RIMS2: variants seen among roughly 807,000 people sequenced by gnomAD.
RIMS2 encodes the protein regulating synaptic membrane exocytosis protein 2.
RIMS2 carries 59 observed loss-of-function variants against 174.4 expected under a neutral mutation model. The observed-to-expected ratio is 0.34, with a 90% confidence interval of 0.27 to 0.42. The LOEUF (loss-of-function observed/expected upper bound fraction) is 0.42, where lower values mean the gene tolerates loss of function less well. Ranked by LOEUF, RIMS2 falls within the 10% of genes least tolerant of loss-of-function variation. The pLI is 1.00. For missense variants in RIMS2, 1,620 were observed against 1,666.3 expected (o/e 0.97, Z 0.48); for synonymous variants, 606 against 572.5 (o/e 1.06, Z -0.84).
chr8:104,089,583 A>G (rs1291707852), intron 19 of RIMS2, among the ~76,000 whole-genome samples: 2 of 151,878 alleles, frequency 1.3e-5, no homozygotes, highest in Non-Finnish European at 2.9e-5. Flanking sequence ...TTTTAAAAGC[A>G]TATGTCTATT....
chr8:103,920,039 G>T (rs1015637595), intron 9 of RIMS2, among the ~76,000 whole-genome samples: 1 of 152,026 alleles, frequency 6.6e-6, no homozygotes, highest in African/African-American at 2.4e-5. Flanking sequence ...ACATCTCTCA[G>T]ATACTGCATG....
chr8:103,687,629 A>C (rs1006638164), intron 1 of RIMS2, among the ~76,000 whole-genome samples: 4 of 152,078 alleles, frequency 2.6e-5, no homozygotes, highest in Non-Finnish European at 5.9e-5. Flanking sequence ...CTCCCATCTA[A>C]CTGAAATTTT....
intron 3 of RIMS2, among the ~76,000 whole-genome samples, chr8:103,850,317 A>G (rs1036490117): frequency 3.3e-5 from 5 of 152,072 alleles, no homozygotes; most frequent in Admixed American, 1.3e-4. Flanking sequence ...CATTATTCTT[A>G]TGCAATGAGT....
At chr8:103,999,428 T>C (rs2095288455) in intron 17 of RIMS2, among the ~76,000 whole-genome samples, 1 of 151,728 alleles carries the variant, frequency 6.6e-6, no homozygotes, top group African/African-American at 2.4e-5. Context: ...TTTCACTCTT[T>C]TTTGTTATTC....
At chr8:104,093,689 G>A in intron 19 of RIMS2, 46 bp downstream of exon 24, 1 of 1,403,280 alleles carries the variant, frequency 7.1e-7, no homozygotes, top group South Asian at 1.3e-5. Flanking sequence ...GTTTTAGAAG[G>A]TCTTTATGTT....
chr8:103,733,684 C>G (rs1330561522), intron 2 of RIMS2, among the ~76,000 whole-genome samples: 2 of 152,172 alleles, frequency 1.3e-5, no homozygotes, highest in Non-Finnish European at 2.9e-5. Context: ...TTGCTTTCCA[C>G]TTCATCAGGT....
chr8:103,716,337 C>T lies in RIMS2; in HGVS notation c.387+19041C>T, dbSNP rs2097367741. 6.6e-6 allele frequency: 1 copy of T among 151,618 alleles called. No homozygotes were observed. The highest frequency in any genetic ancestry group is 1.5e-5 in the Non-Finnish European group (1 of 67,860). The allele number at this position is 151,618 out of a possible 1,614,324, so 9.4% of individuals were successfully genotyped here. A position where few individuals can be genotyped will look rare whatever the true frequency, so the allele number is the denominator to read the frequency against. Reference sequence around the variant, plus strand: ...GACAAAGTGGTTAGAGTCTTTTTTTCTGTCTAATATTAGTTTTTCCTTATT... The same window carrying T: ...GACAAAGTGGTTAGAGTCTTTTTTTTTGTCTAATATTAGTTTTTCCTTATT... On this transcript the variant is annotated intron_variant, in intron 2 of 23. Coordinates refer to ENST00000504942, the Ensembl canonical transcript of RIMS2.
intron 1 of RIMS2, among the ~76,000 whole-genome samples, chr8:103,513,974 A>G (rs1827794953): frequency 6.6e-6 from 1 of 152,164 alleles, no homozygotes; most frequent in Non-Finnish European, 1.5e-5. Flanking sequence ...ATATCTGATT[A>G]TATAACTCTT....
chr8:104,105,955 G>A (rs945554595), intron 19 of RIMS2, among the ~76,000 whole-genome samples: 1 of 138,586 alleles, frequency 7.2e-6, no homozygotes, highest in South Asian at 2.3e-4. Context: ...CAGGAGAATC[G>A]CTTGAACTGG....
At chr8:103,651,460 A>G (rs1300280949) in intron 1 of RIMS2, among the ~76,000 whole-genome samples, 2 of 152,204 alleles carry the variant, frequency 1.3e-5, no homozygotes, top group Non-Finnish European at 2.9e-5. Flanking sequence ...GATTTTTGTA[A>G]TATAAAAATA....
Position 104,172,163 on chromosome 8 carries a change from T to C in RIMS2, c.3335-72753T>C, listed in dbSNP as rs186337427. Among the ~76,000 whole-genome samples, 32 of 152,344 alleles carry C rather than the reference T, an allele frequency of 2.1e-4. No individual in the cohort carries two copies. In the East Asian group the frequency reaches 2.9e-3, roughly 14 times the overall value. ...GAGATATCCCTTAGGTAGGCAATCA[T>C]TGTAGCTAAAGCATGTGGGTAGATG... On this transcript the variant is annotated intron_variant, in intron 19 of 23. Transcript: ENST00000504942.
intron 2 of RIMS2, among the ~76,000 whole-genome samples, chr8:103,732,282 C>T (rs897901460): frequency 1.3e-5 from 2 of 152,192 alleles, no homozygotes; most frequent in African/African-American, 4.8e-5. Flanking sequence ...TCTTCCCTTC[C>T]TTTCTCCAAA....
chr8:103,786,031 C>A (rs1318348294), intron 3 of RIMS2, among the ~76,000 whole-genome samples: 3 of 152,166 alleles, frequency 2.0e-5, no homozygotes, highest in African/African-American at 2.4e-5. Flanking sequence ...GTATCCATTT[C>A]TTCTAGATTT....
chr8:103,558,039 G>A (rs1274371356), intron 1 of RIMS2, among the ~76,000 whole-genome samples: 4 of 151,966 alleles, frequency 2.6e-5, no homozygotes, highest in South Asian at 2.1e-4. Flanking sequence ...TTTCAAAAAG[G>A]TGCATAAAGT....
At chr8:103,995,666 T>G (rs2095045714) in intron 17 of RIMS2, among the ~76,000 whole-genome samples, 1 of 152,048 alleles carries the variant, frequency 6.6e-6, no homozygotes, top group Admixed American at 6.6e-5. Context: ...TATACTTGTT[T>G]TTTGATATCA....
chr8:103,861,623 G>C (rs2099059386), intron 3 of RIMS2, among the ~76,000 whole-genome samples: 1 of 151,974 alleles, frequency 6.6e-6, no homozygotes. Context: ...CCTATTCTCT[G>C]CATCCTTGCC....
At chr8:104,088,852 A>G (rs2097581551) in intron 19 of RIMS2, among the ~76,000 whole-genome samples, 1 of 152,000 alleles carries the variant, frequency 6.6e-6, no homozygotes, top group African/African-American at 2.4e-5. Flanking sequence ...TGACACTTCA[A>G]TAATAGCCTT....
At chr8:103,505,866 A>G (rs552532423) in intron 1 of RIMS2, among the ~76,000 whole-genome samples, 1 of 152,216 alleles carries the variant, frequency 6.6e-6, no homozygotes, top group Non-Finnish European at 1.5e-5. Flanking sequence ...GGTTACAGCC[A>G]TTTGTATTCC....
At chr8:103,686,624 C>A (rs1469974970) in intron 1 of RIMS2, among the ~76,000 whole-genome samples, 1 of 152,122 alleles carries the variant, frequency 6.6e-6, no homozygotes, top group Non-Finnish European at 1.5e-5. Context: ...ACTTACATTC[C>A]TAAGATAAAC....
Sources: allele counts gnomAD v4.1 joint callset (sites outside exome capture counted in the v4.1 genomes callset), GRCh38; gene constraint gnomAD v4.1.1; transcripts MANE v1.5; gene names NCBI Gene and HGNC (gene_info 2026-07-23, HGNC 2026-07-21).